CCDC102B: variants seen among roughly 807,000 people sequenced by gnomAD.
CCDC102B encodes coiled-coil domain-containing protein 102B.
In CCDC102B, 75 loss-of-function variants were observed where a neutral mutation model predicts 57.4. The ratio of observed to expected loss-of-function variants is 1.31; its 90% confidence interval spans 1.08 to 1.58. CCDC102B has a LOEUF of 1.58. CCDC102B is among the 40% of genes most tolerant of loss of function. The pLI is 0.00. For synonymous variants in CCDC102B, 206 were observed against 201.9 expected (o/e 1.02, Z -0.17); for missense variants, 636 against 582.6 (o/e 1.09, Z -0.94).
intron 2 of CCDC102B, among the ~76,000 whole-genome samples, chr18:68,741,486 A>G (rs1383853501): frequency 6.6e-6 from 1 of 152,196 alleles, no homozygotes; most frequent in African/African-American, 2.4e-5. Flanking sequence ...TGGGACAGAA[A>G]TGAAGAAACT....
At position 68,897,397 on chromosome 18, in the gene CCDC102B, T is replaced by G; in HGVS notation, c.1232T>G (p.Met411Arg). The G allele has an allele frequency of 6.2e-7, 1 of 1,611,610 alleles. No homozygotes were observed. The highest frequency in any genetic ancestry group is 1.1e-5 in the South Asian group (1 of 90,942). ...AACTCTCAAAGTCCTGATTTCAAGA[T>G]GTCACAAATTGATCTGCAAGAAAAA... ...SANSQSPDFK[M>R]SQIDLQEKNQ... Residue 411 changes from methionine (M) to arginine (R), a missense_variant, in exon 6 of 8, where the codon ATG becomes AGG. Coordinates refer to ENST00000360242, the MANE Select transcript of CCDC102B (RefSeq NM_024781.3).
chr18:68,745,322 G>T (rs768259231), intron 2 of CCDC102B, among the ~76,000 whole-genome samples: 1 of 151,982 alleles, frequency 6.6e-6, no homozygotes, highest in African/African-American at 2.4e-5. Flanking sequence ...AGTGTCTTCT[G>T]TGACTAGGAC....
chr18:68,794,179 G>C (rs1177113997), upstream of CCDC102B, among the ~76,000 whole-genome samples: 1 of 152,098 alleles, frequency 6.6e-6, no homozygotes, highest in Non-Finnish European at 1.5e-5. Context: ...TTAAAACTCA[G>C]AGTTTTACTG....
chr18:68,783,386 C>T (rs1194521554), intron 2 of CCDC102B, among the ~76,000 whole-genome samples: 1 of 152,156 alleles, frequency 6.6e-6, no homozygotes, highest in Non-Finnish European at 1.5e-5. Flanking sequence ...TGCTAGGAAG[C>T]CTCCTCAGAG....
chr18:68,875,626 G>A (rs1049130137), intron 5 of CCDC102B, among the ~76,000 whole-genome samples: 1 of 152,028 alleles, frequency 6.6e-6, no homozygotes, highest in Non-Finnish European at 1.5e-5. Flanking sequence ...TGAATATAGT[G>A]CAATGGGAAA....
intron 2 of CCDC102B, among the ~76,000 whole-genome samples, chr18:68,728,944 T>TA (rs2032729846): frequency 1.3e-5 from 2 of 152,096 alleles, no homozygotes; most frequent in African/African-American, 4.8e-5. Context: ...TGATTTTTTT[T>TA]TAAAAAAGTT....
chr18:68,838,445 A>G (rs1427234968), intron 2 of CCDC102B: 3 of 985,236 alleles, frequency 3.0e-6, no homozygotes, highest in Non-Finnish European at 3.6e-6. Context: ...TTTAGCTGCG[A>G]TTAGAAAAAG....
rs1233500516 is a variant in CCDC102B, at chr18:68,837,328, G to A, written c.565G>A (p.Val189Ile). The A allele has an allele frequency of 1.2e-6, 2 of 1,610,224 alleles. No individual in the cohort carries two copies. Among genetic ancestry groups the A allele is most frequent in the East Asian group, 2.2e-5 (1 of 44,848 alleles). Residue 189 changes from valine to isoleucine, a missense_variant, in exon 2 of 8, where the codon GTA (valine) becomes ATA (isoleucine). Transcript: ENST00000360242. ...GCATGAGTCTATCAGAGAGTATTTGGTAAAAAGACAATTTTCTACAAAGGA... is the reference window on the plus strand; with the variant it reads ...GCATGAGTCTATCAGAGAGTATTTGATAAAAAGACAATTTTCTACAAAGGA... ...QMHESIREYL[V>I]KRQFSTKEDT...
At chr18:69,056,962 A>G (rs542692470), downstream of CCDC102B, among the ~76,000 whole-genome samples, 42 of 152,180 alleles carry the variant, frequency 2.8e-4, no homozygotes, top group Non-Finnish European at 5.0e-4. Flanking sequence ...GATACCTCAT[A>G]TAAATGGAAT....
intron 1 of CCDC102B, among the ~76,000 whole-genome samples, chr18:68,805,236 A>T (rs979129527): frequency 6.6e-6 from 1 of 152,220 alleles, no homozygotes; most frequent in African/African-American, 2.4e-5. Flanking sequence ...AAGATAGCTA[A>T]TGTATGGGAT....
chr18:68,736,060 A>G (rs957486111), intron 2 of CCDC102B, among the ~76,000 whole-genome samples: 2 of 152,246 alleles, frequency 1.3e-5, no homozygotes, highest in Non-Finnish European at 2.9e-5. Context: ...GCCAAATATC[A>G]TATCCTTTAT....
intron 1 of CCDC102B, among the ~76,000 whole-genome samples, chr18:68,811,954 T>C (rs919962471): frequency 6.6e-6 from 1 of 152,196 alleles, no homozygotes; most frequent in Non-Finnish European, 1.5e-5. Context: ...AGTCACTGAA[T>C]GTGGTACCTT....
chr18:68,772,861 A>G (rs185846252), intron 2 of CCDC102B, among the ~76,000 whole-genome samples: 124 of 152,200 alleles, frequency 8.1e-4, no homozygotes, highest in African/African-American at 2.8e-3. Context: ...TCTATAGTTT[A>G]CCAGAAAAAT....
intron 2 of CCDC102B, among the ~76,000 whole-genome samples, chr18:68,724,643 AT>A (rs1229401276): frequency 6.6e-6 from 1 of 152,108 alleles, no homozygotes; most frequent in Admixed American, 6.5e-5. Flanking sequence ...CCTGTATTTC[AT>A]TTTCCGTATC....
At chr18:69,048,179 C>G (rs1019311780) in intron 7 of CCDC102B, among the ~76,000 whole-genome samples, 2 of 150,334 alleles carry the variant, frequency 1.3e-5, no homozygotes, top group Non-Finnish European at 3.0e-5. Context: ...AGGAACTGTC[C>G]TAAGTACTGG....
intron 2 of CCDC102B, among the ~76,000 whole-genome samples, chr18:68,761,217 G>A (rs540424253): frequency 6.6e-6 from 1 of 152,090 alleles, no homozygotes; most frequent in East Asian, 1.9e-4. Context: ...CCTCCCACAA[G>A]TTACGATATG....
chr18:68,747,164 AC>A (rs2033651826), intron 2 of CCDC102B, among the ~76,000 whole-genome samples: 9 of 152,060 alleles, frequency 5.9e-5, no homozygotes, highest in Admixed American at 5.2e-4. Context: ...GTTGTAGAAC[AC>A]TAGAACTCAT....
intron 7 of CCDC102B, among the ~76,000 whole-genome samples, chr18:69,034,870 A>G (rs2052246187): frequency 6.6e-6 from 1 of 151,844 alleles, no homozygotes; most frequent in South Asian, 2.1e-4. Flanking sequence ...GGTTCAAAAT[A>G]TTGAGAATAT....
chr18:68,833,768 T>A (rs2037246555), intron 1 of CCDC102B, among the ~76,000 whole-genome samples: 1 of 152,196 alleles, frequency 6.6e-6, no homozygotes, highest in Non-Finnish European at 1.5e-5. Flanking sequence ...TGATATTATA[T>A]ATACTTTGTA....
Sources: gnomAD v4.1 joint callset for allele counts (sites outside exome capture counted in the v4.1 genomes callset) on GRCh38, gnomAD v4.1.1 for gene constraint, MANE v1.5 for transcripts, NCBI Gene and HGNC (gene_info 2026-07-23, HGNC 2026-07-21) for gene names.